LRRC57: variants seen among roughly 807,000 people sequenced by gnomAD.
The protein encoded by LRRC57 is leucine-rich repeat-containing protein 57.
A neutral mutation model predicts 23.1 loss-of-function variants in LRRC57; 14 were observed. The ratio of observed to expected loss-of-function variants is 0.61; its 90% confidence interval spans 0.40 to 0.95. LRRC57 has a LOEUF of 0.95. LRRC57 is among the 40% of genes least tolerant of loss of function. The pLI, the probability that LRRC57 is intolerant of heterozygous loss-of-function variation, is 0.00. For synonymous variants in LRRC57, 106 were observed against 115.2 expected (o/e 0.92, Z 0.51); for missense variants, 236 against 284.4 (o/e 0.83, Z 1.22).
chr15:42,544,564 T>C (rs986382572), intron 5 of LRRC57, among the ~76,000 whole-genome samples: 1 of 151,424 alleles, frequency 6.6e-6, no homozygotes, highest in African/African-American at 2.4e-5. Context: ...GGCTTACACC[T>C]GTAATCCCAG....
At chr15:42,536,022 G>A (rs915407371), downstream of LRRC57, among the ~76,000 whole-genome samples, 1 of 152,116 alleles carries the variant, frequency 6.6e-6, no homozygotes, top group Non-Finnish European at 1.5e-5. Context: ...AGGCTGCAGC[G>A]AGCCATGATT....
intron 5 of LRRC57, among the ~76,000 whole-genome samples, chr15:42,544,838 C>CTATATATAT (rs1484623621): frequency 3.7e-5 from 4 of 109,244 alleles, no homozygotes; most frequent in South Asian, 2.4e-4. Flanking sequence ...CACACACACA[C>CTATATATAT]ACACTATATA....
downstream of LRRC57, among the ~76,000 whole-genome samples, chr15:42,536,267 T>C (rs1379105458): frequency 6.6e-6 from 1 of 152,258 alleles, no homozygotes; most frequent in East Asian, 1.9e-4. Flanking sequence ...ACTTGCTCGA[T>C]GTAGGGTTGC....
rs1194599876 is a variant in LRRC57 at position 42,548,354 on chromosome 15, G to C, written c.81C>G (p.Thr27=). The change falls in exon 2 of 6, where the codon ACC becomes ACG. Residue 27 remains threonine (T), a synonymous_variant. Transcript: ENST00000397130. ...GVFQLKDRGL[T]EFPADLQKLT... Reference sequence around the variant, plus strand: ...GTCGTGTCCCTCCCAGTCTCACCTCGGTCAGCCCTCGGTCCTTAAGCTGAA... The same window carrying C: ...GTCGTGTCCCTCCCAGTCTCACCTCCGTCAGCCCTCGGTCCTTAAGCTGAA... The C allele has an allele frequency of 1.2e-6, 2 of 1,614,190 alleles. No homozygotes were observed. Among genetic ancestry groups the C allele is most frequent in the Admixed American group, 1.7e-5 (1 of 60,026 alleles).
Position 42,548,754 on chromosome 15 carries a change from G to C in LRRC57, c.-84C>G. ...AAGACCCAGGACCCGCAGTAGCCGG[G>C]ATGCGCTCCCCGGCTTAGTCCCGGG... On this transcript the variant is annotated 5_prime_UTR_variant, in exon 1 of 6. The change creates a new upstream start codon in the 5' untranslated region. Transcript: ENST00000397130. 4.1e-6 allele frequency: 3 copies of C among 735,392 alleles called. No individual in the cohort carries two copies. Among genetic ancestry groups the C allele is most frequent in the Non-Finnish European group, 4.4e-6 (2 of 453,174 alleles). 45.6% of individuals were successfully genotyped at this position (735,392 alleles called of 1,614,324 possible). A position where few individuals can be genotyped will look rare whatever the true frequency, so the allele number is the denominator to read the frequency against.
chr15:42,545,063 A>G lies in LRRC57; in HGVS notation c.678+14T>C. 1.9e-6 allele frequency: 3 copies of G among 1,558,340 alleles called. No individual in the cohort carries two copies. On this transcript the variant is annotated intron_variant, in intron 5 of 5. Transcript: ENST00000397130. Reference sequence around the variant, plus strand: ...GGGTAGTGACTAGAAATGCAGAAGTACATTAATTCATACCTTATCATAGCC... The same window carrying G: ...GGGTAGTGACTAGAAATGCAGAAGTGCATTAATTCATACCTTATCATAGCC...
rs2057623794 is a variant in LRRC57, at chr15:42,540,590, C to G, written c.*3493G>C. 1 of 152,088 alleles carries G rather than the reference C, an allele frequency of 6.6e-6. No homozygotes were observed. The highest frequency in any genetic ancestry group is 1.5e-5 in the Non-Finnish European group (1 of 68,062). 9.4% of individuals were successfully genotyped at this position (152,088 alleles called of 1,614,324 possible). ...GCACTGTGGGTTTAGAGAGAATAAT[C>G]TGATATGGGTGGGCAGGCAAATGAG... On this transcript the variant is annotated 3_prime_UTR_variant, in exon 6 of 6. Coordinates refer to ENST00000397130, the MANE Select transcript of LRRC57 (RefSeq NM_153260.3).
chr15:42,532,292 T>C, the LRRC57 span: 2 of 152,144 alleles, frequency 1.3e-5, no homozygotes, highest in African/African-American at 4.8e-5. Context: ...GGTTTCACCA[T>C]GTCAAGCTGG....
rs1268235237 is a variant in LRRC57 at position 42,547,248 on chromosome 15, TAAAGC to T, written c.492+8_492+12del. 10 of 1,610,464 alleles carry T rather than the reference TAAAGC, an allele frequency of 6.2e-6. No individual in the cohort carries two copies. Among genetic ancestry groups the T allele is most frequent in the Non-Finnish European group, 8.5e-6 (10 of 1,177,842 alleles). ...ACATATGCTGTAGGAAAAAAAACCT[TAAAGC>T]TCTAGACCTGATTCTGGTTGAGGTT... On this transcript the variant is annotated splice_region_variant and intron_variant, in intron 4 of 5. Coordinates refer to ENST00000397130, the MANE Select transcript of LRRC57 (RefSeq NM_153260.3).
At chr15:42,534,278 G>T (rs1029157762), downstream of LRRC57, among the ~76,000 whole-genome samples, 1 of 152,052 alleles carries the variant, frequency 6.6e-6, no homozygotes, top group Non-Finnish European at 1.5e-5. Context: ...TTACAGGCAG[G>T]CACCACCGTG....
the LRRC57 span, chr15:42,529,675 C>T: frequency 6.2e-7 from 1 of 1,613,006 alleles, no homozygotes; most frequent in Non-Finnish European, 8.5e-7. Flanking sequence ...CTTGTGATAG[C>T]ATAACTAATG....
downstream of LRRC57, among the ~76,000 whole-genome samples, chr15:42,534,515 C>T (rs1025191265): frequency 6.6e-6 from 1 of 152,214 alleles, no homozygotes; most frequent in East Asian, 1.9e-4. Context: ...GGTATCTTGA[C>T]CTCCTTTCAT....
Position 42,547,417 on chromosome 15 carries a change from G to C in LRRC57, c.336C>G (p.Thr112=). The change falls in exon 4 of 6, where the codon ACC becomes ACG. Residue 112 remains threonine (T), a synonymous_variant. Transcript: ENST00000397130. Reference sequence around the variant, plus strand: ...CCAGTTGGTTCCCAGAGAGGCTCAGGGTCTTGAGGGCAGAGAGTTGCCCAA... The same window carrying C: ...CCAGTTGGTTCCCAGAGAGGCTCAGCGTCTTGAGGGCAGAGAGTTGCCCAA... ...STFGQLSALK[T]LSLSGNQLGA... 1 of 1,614,142 alleles carries C rather than the reference G, an allele frequency of 6.2e-7. No homozygotes were observed. Among genetic ancestry groups the C allele is most frequent in the Non-Finnish European group, 8.5e-7 (1 of 1,180,034 alleles).
chr15:42,531,384 G>T, the LRRC57 span: 1 of 1,472,714 alleles, frequency 6.8e-7, no homozygotes. Context: ...TACTTACCTT[G>T]TAAAGCTGAT....
chr15:42,532,627 C>T, the LRRC57 span: 1 of 152,524 alleles, frequency 6.6e-6, no homozygotes, highest in African/African-American at 2.4e-5. Flanking sequence ...CTCTCTAAAG[C>T]AGGGCTTAAA....
downstream of LRRC57, among the ~76,000 whole-genome samples, chr15:42,537,233 T>TCA (rs71108166): frequency 0.095 from 12,947 of 136,476 alleles, 631 homozygotes; most frequent in African/African-American, 0.1. Context: ...TCTCTCTCTC[T>TCA]CACACACACA....
At chr15:42,535,943 T>C (rs1209907281), downstream of LRRC57, among the ~76,000 whole-genome samples, 1 of 152,014 alleles carries the variant, frequency 6.6e-6, no homozygotes, top group Non-Finnish European at 1.5e-5. Context: ...CCAGGTGTGG[T>C]GGTGCATATC....
At chr15:42,529,962 AAC>A in the LRRC57 span, 1 of 846,154 alleles carries the variant, frequency 1.2e-6, no homozygotes, top group Non-Finnish European at 1.8e-6. Context: ...TGGTGGTTCT[AAC>A]ACATAAAACA....
chr15:42,531,284 T>G, the LRRC57 span: 3 of 530,278 alleles, frequency 5.7e-6, no homozygotes, highest in Non-Finnish European at 6.5e-6. Context: ...TTGCCCAACA[T>G]GAGTTTTGTA....
Sources: gnomAD v4.1 joint callset for allele counts (sites outside exome capture counted in the v4.1 genomes callset) on GRCh38, gnomAD v4.1.1 for gene constraint, MANE v1.5 for transcripts, NCBI Gene and HGNC (gene_info 2026-07-23, HGNC 2026-07-21) for gene names.